The following FBLN5 variants were observed in gnomAD, a reference collection of about 807,000 sequenced individuals.
FBLN5 encodes fibulin-5.
Under a neutral mutation model 61.6 loss-of-function variants are expected in FBLN5, and 24 were observed. The ratio of observed to expected loss-of-function variants is 0.39; its 90% CI spans 0.28 to 0.55. The LOEUF is 0.55. Ranked by LOEUF, FBLN5 falls within the 20% of genes least tolerant of loss-of-function variation. The probability of loss-of-function intolerance (pLI) is 0.65; values close to 1 mark genes in which losing one functional copy is unlikely to be tolerated. For synonymous variants in FBLN5, 213 were observed against 219.8 expected (o/e 0.97, Z 0.27); for missense variants, 470 against 594.1 (o/e 0.79, Z 2.17).
intron 4 of FBLN5, among the ~76,000 whole-genome samples, chr14:91,929,816 G>A (rs2055893971): frequency 6.6e-6 from 1 of 152,188 alleles, no homozygotes; most frequent in African/African-American, 2.4e-5. Flanking sequence ...ATCACCTGGG[G>A]GCTTATAAGA....
At chr14:91,879,360 C>T (rs193202751) in intron 9 of FBLN5, among the ~76,000 whole-genome samples, 90 of 152,244 alleles carry the variant, frequency 5.9e-4, no homozygotes, top group South Asian at 1.9e-3. Context: ...TTCCTGGGCA[C>T]GGGTAAAGGC....
intron 4 of FBLN5, among the ~76,000 whole-genome samples, chr14:91,913,474 A>G (rs1024500610): frequency 6.6e-6 from 1 of 152,210 alleles, no homozygotes; most frequent in Non-Finnish European, 1.5e-5. Context: ...CAGTTTTACT[A>G]TCCTCTCACT....
At chr14:91,878,152 T>C (rs1301387996) in intron 9 of FBLN5, 2 of 338,680 alleles carry the variant, frequency 5.9e-6, no homozygotes, top group African/African-American at 4.3e-5. Context: ...CCAGTCTGCA[T>C]GGAATGTTAC....
chr14:91,914,820 T>G (rs60460808), intron 4 of FBLN5, among the ~76,000 whole-genome samples: 1,719 of 152,004 alleles, frequency 0.011, 29 homozygotes, highest in African/African-American at 0.033. Flanking sequence ...GTGGTTTTTT[T>G]TTTTGTTTTG....
chr14:91,929,505 T>TAA (rs913813467), intron 4 of FBLN5, among the ~76,000 whole-genome samples: 2 of 152,212 alleles, frequency 1.3e-5, no homozygotes, highest in Non-Finnish European at 2.9e-5. Flanking sequence ...AGTGGCTTTC[T>TAA]AAATGTCACA....
At chr14:91,917,316 C>A (rs925373164) in intron 4 of FBLN5, among the ~76,000 whole-genome samples, 5 of 152,144 alleles carry the variant, frequency 3.3e-5, no homozygotes, top group African/African-American at 9.7e-5. Context: ...TGGTGGCTCA[C>A]GCCTGTAATC....
intron 5 of FBLN5, among the ~76,000 whole-genome samples, chr14:91,893,353 T>C (rs1211677089): frequency 6.6e-6 from 1 of 152,248 alleles, no homozygotes; most frequent in Admixed American, 6.5e-5. Context: ...TTGGTTTGAA[T>C]GCACAGTGAC....
chr14:91,918,890 A>C (rs549939891), intron 4 of FBLN5, among the ~76,000 whole-genome samples: 1 of 152,316 alleles, frequency 6.6e-6, no homozygotes, highest in South Asian at 2.1e-4. Context: ...TCTAAGGTAG[A>C]TGGTGAGAAA....
Position 91,894,862 on chromosome 14 carries a change from C to T in FBLN5, c.502+88G>A, listed in dbSNP as rs1008909668. Reference sequence around the variant, plus strand: ...CTAGCAAAGAAAAGCTTACTACCCTCAGGCAGCCAGCTATGCCCATACCTC... The same window carrying T: ...CTAGCAAAGAAAAGCTTACTACCCTTAGGCAGCCAGCTATGCCCATACCTC... On this transcript the variant is annotated intron_variant, in intron 5 of 10. Transcript: ENST00000342058. The T allele has an allele frequency of 5.3e-6, 6 of 1,125,116 alleles. No homozygotes were observed. In the African/African-American group the frequency reaches 9.6e-5, roughly 18 times the overall value. The allele number at this position is 1,125,116 out of a possible 1,614,324, so 69.7% of individuals were successfully genotyped here. A position where few individuals can be genotyped will look rare whatever the true frequency, so the allele number is the denominator to read the frequency against.
Position 91,947,306 on chromosome 14 carries a change from G to T in FBLN5, c.-77C>A. The T allele has an allele frequency of 6.4e-7, 1 of 1,566,656 alleles. No homozygotes were observed. The highest frequency in any genetic ancestry group is 8.8e-7 in the Non-Finnish European group (1 of 1,137,718). ...GGGACCCCCGGAGGAGCTCGGGCACGTCGGCCTCCTCTGGGCCCTCGGGGC... is the reference window on the plus strand; with the variant it reads ...GGGACCCCCGGAGGAGCTCGGGCACTTCGGCCTCCTCTGGGCCCTCGGGGC... On this transcript the variant is annotated 5_prime_UTR_variant, in exon 1 of 11. Coordinates refer to ENST00000342058, the MANE Select transcript of FBLN5 (RefSeq NM_006329.4). The surrounding 1 kb of genome is among the most constrained non-coding windows in gnomAD (Gnocchi z 4.3).
intron 7 of FBLN5, among the ~76,000 whole-genome samples, chr14:91,884,713 G>A (rs1057035366): frequency 3.9e-5 from 6 of 152,228 alleles, no homozygotes; most frequent in Admixed American, 3.3e-4. Context: ...AGGGATCAGC[G>A]GAGCTGGGGA....
intron 7 of FBLN5, 40 bp from the exon 8 acceptor site, chr14:91,883,116 C>T: frequency 1.2e-5 from 20 of 1,611,348 alleles, no homozygotes; most frequent in Non-Finnish European, 1.7e-5. Context: ...TAATCCCAGT[C>T]TACATGGGGA....
intron 2 of FBLN5, among the ~76,000 whole-genome samples, chr14:91,942,536 C>T (rs2056121952): frequency 6.6e-6 from 1 of 152,260 alleles, no homozygotes. Flanking sequence ...AAAATGGATG[C>T]TGGGCTTAAT....
intron 4 of FBLN5, among the ~76,000 whole-genome samples, chr14:91,928,461 C>T (rs760587459): frequency 2.0e-5 from 3 of 152,128 alleles, no homozygotes; most frequent in Non-Finnish European, 4.4e-5. Context: ...TGAAATGCAG[C>T]TATCAAAATA....
chr14:91,901,254 T>C (rs1442651736), intron 4 of FBLN5, among the ~76,000 whole-genome samples: 1 of 152,204 alleles, frequency 6.6e-6, no homozygotes, highest in Non-Finnish European at 1.5e-5. Flanking sequence ...TGAGCCTGTG[T>C]ACCTAACGTC....
intron 4 of FBLN5, among the ~76,000 whole-genome samples, chr14:91,926,817 T>A (rs886133587): frequency 2.7e-5 from 4 of 150,860 alleles, no homozygotes; most frequent in African/African-American, 9.8e-5. Context: ...CGGGTGGGAG[T>A]GACAACGCGA....
At position 91,884,523 on chromosome 14, in the gene FBLN5, A is replaced by G. The variant is rs59129643; in HGVS notation, c.740-1447T>C. 4.3e-3 allele frequency among the ~76,000 whole-genome samples: 650 copies of G among 152,306 alleles called. 2 individuals are homozygous for G. The highest frequency in any genetic ancestry group is 0.014 in the African/African-American group (586 of 41,564). On this transcript the variant is annotated intron_variant, in intron 7 of 10. Transcript: ENST00000342058. ...CTTATTTAATTCTCACCTCAACCCC[A>G]TGAAGGAGGTGCTATCACTCTCCAT... is the stretch of plus-strand genomic sequence containing the variant.
intron 7 of FBLN5, among the ~76,000 whole-genome samples, chr14:91,885,459 G>C (rs1355907776): frequency 6.6e-6 from 1 of 152,164 alleles, no homozygotes; most frequent in Non-Finnish European, 1.5e-5. Context: ...AGGAATATTT[G>C]TCTCTCAGTG....
At chr14:91,891,359 A>G in intron 5 of FBLN5, 22 bp from the exon 6 acceptor site, 2 of 1,477,794 alleles carry the variant, frequency 1.4e-6, no homozygotes, top group Admixed American at 1.7e-5. Flanking sequence ...AATGCAAGCA[A>G]AGTGAGACAG....
Sources: gnomAD v4.1 joint callset for allele counts (sites outside exome capture counted in the v4.1 genomes callset) on GRCh38, gnomAD v4.1.1 for gene constraint, Gnocchi (gnomAD v3.1) non-coding constraint, MANE v1.5 for transcripts, NCBI Gene and HGNC (gene_info 2026-07-23, HGNC 2026-07-21) for gene names.